The following ADD2 variants were observed in gnomAD, a reference collection of about 807,000 sequenced individuals.
ADD2 encodes the protein adducin 2, also known as beta-adducin.
ADD2 carries 23 observed loss-of-function variants against 83.0 expected under a neutral mutation model. The ratio of observed to expected loss-of-function variants is 0.28; its 90% CI spans 0.20 to 0.39. ADD2 has a LOEUF of 0.39. Ranked by LOEUF, ADD2 falls within the 10% of genes least tolerant of loss-of-function variation. The pLI is 1.00. For synonymous variants in ADD2, 375 were observed against 375.4 expected, an observed-to-expected ratio of 1.00 and a Z score of 0.01; for missense variants, 758 against 944.9, an observed-to-expected ratio of 0.80 and a Z score of 2.59.
At chr2:70,668,230 A>C (rs782762670) in intron 15 of ADD2, among the ~76,000 whole-genome samples, 2 of 152,116 alleles carry the variant, frequency 1.3e-5, no homozygotes, top group East Asian at 1.9e-4. Flanking sequence ...TTATCTCTCT[A>C]TATATCCCCT....
chr2:70,739,739 A>C (rs1673778702), intron 1 of ADD2, among the ~76,000 whole-genome samples: 1 of 152,264 alleles, frequency 6.6e-6, no homozygotes, highest in South Asian at 2.1e-4. Context: ...GTGAAGCTGG[A>C]GGCCATTATC....
At chr2:70,695,678 T>C (rs1450718723) in intron 6 of ADD2, 43 bp downstream of exon 6, 3 of 1,572,896 alleles carry the variant, frequency 1.9e-6, no homozygotes, top group African/African-American at 2.7e-5. Context: ...GAGAGTGCTG[T>C]CATTTCAATA....
intron 5 of ADD2, 107 bp downstream of exon 5, chr2:70,696,138 A>G (rs1671295279): frequency 6.9e-7 from 1 of 1,443,598 alleles, no homozygotes; most frequent in Non-Finnish European, 9.4e-7. Context: ...CATTTTAGCC[A>G]AAGGTCACCA....
intron 1 of ADD2, among the ~76,000 whole-genome samples, chr2:70,715,127 CTG>C (rs140600866): frequency 0.013 from 1,997 of 152,196 alleles, 37 homozygotes; most frequent in African/African-American, 0.045. Flanking sequence ...GGCAATGAAA[CTG>C]TCAAATCTCT....
intron 1 of ADD2, chr2:70,741,457 G>C (rs1553381103): frequency 6.6e-6 from 1 of 152,204 alleles, no homozygotes; most frequent in African/African-American, 2.4e-5. Context: ...TTAACGAAGA[G>C]GGCAGCTCCT....
chr2:70,730,897 T>C (rs1435209453), intron 1 of ADD2, among the ~76,000 whole-genome samples: 1 of 152,234 alleles, frequency 6.6e-6, no homozygotes, highest in African/African-American at 2.4e-5. Flanking sequence ...TGCCTAGGTG[T>C]GTAACAGGCT....
At position 70,660,852 on chromosome 2, in the gene ADD2, A is replaced by G. The variant is rs537437556; in HGVS notation, c.*2573T>C. 2.0e-5 allele frequency: 3 copies of G among 152,334 alleles called. No individual in the cohort carries two copies. The highest frequency in any genetic ancestry group is 2.9e-5 in the Non-Finnish European group (2 of 68,030). The allele number at this position is 152,334 out of a possible 1,614,324, so 9.4% of individuals were successfully genotyped here. A position where few individuals can be genotyped will look rare whatever the true frequency, so the allele number is the denominator to read the frequency against. ...TCAGGGTTTCTCTGGTCCCCAAGATAGTTAATTGATGCTTTCTTATGCCAC... is the reference window on the plus strand; with the variant it reads ...TCAGGGTTTCTCTGGTCCCCAAGATGGTTAATTGATGCTTTCTTATGCCAC... On this transcript the variant is annotated 3_prime_UTR_variant, in exon 16 of 16. Coordinates refer to ENST00000264436, the MANE Select transcript of ADD2 (RefSeq NM_001617.4).
Position 70,677,778 on chromosome 2 carries a change from C to T in ADD2, c.1483G>A (p.Val495Ile). The change falls in exon 12 of 16, where the codon GTA becomes ATA. Residue 495 changes from valine (V) to isoleucine (I), a missense_variant. Physicochemically the swap from Val to Ile is conservative, Grantham distance 29. This residue lies in a region of ADD2 where 394 missense variants were observed against 509.3 expected (regional missense o/e 0.77). Coordinates refer to ENST00000264436, the MANE Select transcript of ADD2 (RefSeq NM_001617.4). Reference protein sequence around the residue: ...FVPLYTDPQEVLEMRNKIREQ... With the variant: ...FVPLYTDPQEILEMRNKIREQ... ...CTTACCTTGTTCCTCATCTCCAGTA[C>T]TTCCTGGGGGTCAGTATAGAGAGGC... The T allele has an allele frequency of 2.5e-6, 4 of 1,614,234 alleles. No individual in the cohort carries two copies. The highest frequency in any genetic ancestry group is 3.4e-6 in the Non-Finnish European group (4 of 1,180,044).
rs1242878854 is a variant in ADD2 at position 70,658,475 on chromosome 2, TCTTA to T, written c.*4946_*4949del. On this transcript the variant is annotated 3_prime_UTR_variant, in exon 16 of 16. Transcript: ENST00000264436. ...CATGAGTTTACAGTCACTACAGGCCTCTTACTTCTTGCATTAAACTATCCCTTTC... is the reference window on the plus strand; with the variant it reads ...CATGAGTTTACAGTCACTACAGGCCTCTTCTTGCATTAAACTATCCCTTTC... The T allele has an allele frequency of 3.9e-5, 6 of 152,218 alleles. No individual in the cohort carries two copies. Among genetic ancestry groups the T allele is most frequent in the Non-Finnish European group, 5.9e-5 (4 of 68,038 alleles). 9.4% of individuals were successfully genotyped at this position (152,218 alleles called of 1,614,324 possible).
At position 70,744,970 on chromosome 2, in the gene ADD2, G is replaced by C. The variant is rs530379055; in HGVS notation, c.-154+22916C>G. 3.3e-5 allele frequency among the ~76,000 whole-genome samples: 5 copies of C among 152,282 alleles called. No homozygotes were observed. The East Asian group carries it at 9.7e-4, about 29-fold the overall frequency. ...TTGTCTTCTTTCGAGCATTGGATCA[G>C]TTAATGGAACTGAACTTAAGATTTC... On this transcript the variant is annotated intron_variant, in intron 1 of 15. Transcript: ENST00000264436.
chr2:70,736,276 G>A (rs1462348328), intron 1 of ADD2, among the ~76,000 whole-genome samples: 2 of 152,196 alleles, frequency 1.3e-5, no homozygotes, highest in Non-Finnish European at 2.9e-5. Flanking sequence ...ACTGGATTAA[G>A]GGCTGAGCCA....
intron 1 of ADD2, among the ~76,000 whole-genome samples, chr2:70,749,147 G>A (rs1334011314): frequency 6.6e-6 from 1 of 152,144 alleles, no homozygotes; most frequent in Admixed American, 6.5e-5. Flanking sequence ...AAGGCGGCAG[G>A]AGAAAGAATG....
At chr2:70,755,917 G>A (rs1458432242) in intron 1 of ADD2, among the ~76,000 whole-genome samples, 1 of 151,892 alleles carries the variant, frequency 6.6e-6, no homozygotes, top group Non-Finnish European at 1.5e-5. Flanking sequence ...AAATCAGCTA[G>A]GCATGGTGGC....
intron 1 of ADD2, among the ~76,000 whole-genome samples, chr2:70,737,675 G>T (rs1673649781): frequency 1.3e-5 from 2 of 152,100 alleles, no homozygotes; most frequent in South Asian, 4.2e-4. Context: ...GTATACATAT[G>T]TAACAAACCT....
intron 1 of ADD2, among the ~76,000 whole-genome samples, chr2:70,761,862 G>A (rs1574335493): frequency 2.0e-5 from 3 of 151,330 alleles, no homozygotes; most frequent in South Asian, 4.2e-4. Flanking sequence ...TAGTACAGAC[G>A]GGGTTTCACC....
At chr2:70,697,608 A>G (rs964922003) in intron 4 of ADD2, among the ~76,000 whole-genome samples, 1 of 152,212 alleles carries the variant, frequency 6.6e-6, no homozygotes, top group Non-Finnish European at 1.5e-5. Flanking sequence ...AGCTCCCACC[A>G]AAGATTTTAA....
At chr2:70,740,043 AGAT>A (rs1673802517) in intron 1 of ADD2, among the ~76,000 whole-genome samples, 1 of 152,232 alleles carries the variant, frequency 6.6e-6, no homozygotes, top group Non-Finnish European at 1.5e-5. Flanking sequence ...AAACTAAAAT[AGAT>A]AATAAAATAA....
At chr2:70,675,360 T>C in intron 13 of ADD2, 3 of 985,990 alleles carry the variant, frequency 3.0e-6, no homozygotes, top group Non-Finnish European at 3.6e-6. Context: ...TCACACACAG[T>C]TGTAAGTGAC....
At chr2:70,759,372 C>T (rs1249622667) in intron 1 of ADD2, among the ~76,000 whole-genome samples, 1 of 152,134 alleles carries the variant, frequency 6.6e-6, no homozygotes, top group Non-Finnish European at 1.5e-5. Context: ...TCAGAATCAA[C>T]CTTGTTTGAA....
Sources: allele counts gnomAD v4.1 joint callset (sites outside exome capture counted in the v4.1 genomes callset), GRCh38; gene constraint gnomAD v4.1.1; regional missense constraint gnomAD v4.1.1; transcripts MANE v1.5; gene names NCBI Gene and HGNC (gene_info 2026-07-23, HGNC 2026-07-21).